Variants in CEP112 observed in about 807,000 individuals in gnomAD.
CEP112 encodes centrosomal protein 112.
In CEP112, 127 loss-of-function variants were observed where a neutral mutation model predicts 153.0. The ratio of observed to expected loss-of-function variants is 0.83; its 90% CI spans 0.72 to 0.96. The LOEUF (loss-of-function observed/expected upper bound fraction) is 0.96. Ranked by LOEUF, CEP112 falls within the 40% of genes least tolerant of loss-of-function variation. CEP112 has a pLI of 0.00. For synonymous variants in CEP112, 358 were observed against 374.4 expected (o/e 0.96, Z 0.51); for missense variants, 1,089 against 1,101.2 (o/e 0.99, Z 0.16).
chr17:65,837,589 T>C (rs1341414020), intron 21 of CEP112, among the ~76,000 whole-genome samples: 2 of 152,128 alleles, frequency 1.3e-5, no homozygotes, highest in Admixed American at 6.5e-5. Context: ...CTGGGAGGTG[T>C]ACCCAACAGC....
At chr17:65,799,279 G>A (rs2055119487) in intron 21 of CEP112, among the ~76,000 whole-genome samples, 1 of 152,142 alleles carries the variant, frequency 6.6e-6, no homozygotes, top group African/African-American at 2.4e-5. Flanking sequence ...CCTCTTGACA[G>A]CTTAAAGAAG....
chr17:65,677,603 T>C (rs1446017918), intron 24 of CEP112, among the ~76,000 whole-genome samples: 1 of 152,164 alleles, frequency 6.6e-6, no homozygotes, highest in Non-Finnish European at 1.5e-5. Context: ...CTGACGTACA[T>C]CTGGTACCTT....
intron 21 of CEP112, among the ~76,000 whole-genome samples, chr17:65,839,737 T>C (rs919134749): frequency 6.6e-6 from 1 of 152,050 alleles, no homozygotes; most frequent in Admixed American, 6.6e-5. Flanking sequence ...AAATTATCCT[T>C]ATTCACAGAC....
At chr17:65,757,032 G>A (rs1359236128) in intron 21 of CEP112, among the ~76,000 whole-genome samples, 3 of 152,160 alleles carry the variant, frequency 2.0e-5, no homozygotes, top group South Asian at 2.1e-4. Context: ...CAGGATAGGT[G>A]TCATTATAAG....
chr17:66,090,844 G>C (rs2068106567), intron 8 of CEP112, among the ~76,000 whole-genome samples: 1 of 151,956 alleles, frequency 6.6e-6, no homozygotes, highest in Non-Finnish European at 1.5e-5. Context: ...TGAAGGAAGA[G>C]GAAAAGATAT....
In CEP112 at chr17:66,060,838, T is replaced by C. The variant is rs151083365; in HGVS notation, c.1074+2125A>G. Among the ~76,000 whole-genome samples the C allele has an allele frequency of 8.1e-3, 1,181 of 145,806 alleles. 9 individuals carry two copies. The highest frequency in any genetic ancestry group is 0.013 in the Non-Finnish European group (892 of 66,806). ...AACATAGAGGAAAAGCTCCATGACA[T>C]AAATCTAGGCAACAATTTCTATACA... On this transcript the variant is annotated intron_variant, in intron 11 of 26. Coordinates refer to ENST00000535342, the MANE Select transcript of CEP112 (RefSeq NM_001199165.4).
intron 24 of CEP112, among the ~76,000 whole-genome samples, chr17:65,670,968 GA>G (rs2046953692): frequency 6.6e-6 from 1 of 151,932 alleles, no homozygotes; most frequent in South Asian, 2.1e-4. Context: ...TACAGTCGTT[GA>G]AAAAATAACC....
chr17:66,107,037 C>T (rs1332933451), intron 6 of CEP112, among the ~76,000 whole-genome samples: 1 of 151,992 alleles, frequency 6.6e-6, no homozygotes, highest in East Asian at 1.9e-4. Flanking sequence ...CAATGAAGGG[C>T]AAAAACTGTA....
At chr17:65,843,952 C>G (rs1482167656) in intron 21 of CEP112, among the ~76,000 whole-genome samples, 1 of 151,852 alleles carries the variant, frequency 6.6e-6, no homozygotes, top group Non-Finnish European at 1.5e-5. Flanking sequence ...AAGGCAAATG[C>G]CAAAGATATT....
chr17:65,840,318 C>T (rs1293963639), intron 21 of CEP112, among the ~76,000 whole-genome samples: 2 of 152,042 alleles, frequency 1.3e-5, no homozygotes, highest in East Asian at 1.9e-4. Flanking sequence ...AATATACACA[C>T]TGACCAATGG....
rs1254241875 is a variant in CEP112, at chr17:65,879,818, T to C, written c.2163+22334A>G. Among the ~76,000 whole-genome samples, 8 of 143,858 alleles carry C rather than the reference T, an allele frequency of 5.6e-5. No homozygotes were observed. In the East Asian group the frequency reaches 1.2e-3, roughly 22 times the overall value. The allele number at this position is 143,858 out of a possible 152,430, so 94.4% of individuals were successfully genotyped here. A position where few individuals can be genotyped will look rare whatever the true frequency, so the allele number is the denominator to read the frequency against. Reference sequence around the variant, plus strand: ...AAGGGAAAGCAAATCTAAAAAAACATTGAGTGAAAAGACAAAATGAAAAAA... The same window carrying C: ...AAGGGAAAGCAAATCTAAAAAAACACTGAGTGAAAAGACAAAATGAAAAAA... On this transcript the variant is annotated intron_variant, in intron 20 of 26. Coordinates refer to ENST00000535342, the MANE Select transcript of CEP112 (RefSeq NM_001199165.4).
intron 24 of CEP112, chr17:65,655,529 A>C: frequency 1.8e-6 from 1 of 556,854 alleles, no homozygotes; most frequent in East Asian, 3.0e-5. Flanking sequence ...TTGGGTTGAG[A>C]GGAAAGTAAT....
chr17:65,943,176 A>G (rs535266358), intron 18 of CEP112, among the ~76,000 whole-genome samples: 2 of 152,326 alleles, frequency 1.3e-5, no homozygotes, highest in South Asian at 2.1e-4. Flanking sequence ...GTGCCTGGCT[A>G]AAGAACAAAT....
intron 22 of CEP112, among the ~76,000 whole-genome samples, chr17:65,744,631 A>G (rs2051337620): frequency 6.6e-6 from 1 of 152,138 alleles, no homozygotes; most frequent in South Asian, 2.1e-4. Flanking sequence ...TAACTCATGG[A>G]TAGTTATTTT....
In CEP112 at chr17:65,882,030, G is replaced by A. The variant is rs547498143; in HGVS notation, c.2163+20122C>T. On this transcript the variant is annotated intron_variant, in intron 20 of 26. Coordinates refer to ENST00000535342, the MANE Select transcript of CEP112 (RefSeq NM_001199165.4). ...TCATGGACATGGTAGCCTCCACAGG[G>A]AGAAATTATATGGAAGTAAAATAAT... 2.6e-5 allele frequency among the ~76,000 whole-genome samples: 4 copies of A among 152,308 alleles called. No homozygotes were observed. The East Asian group carries it at 7.7e-4, about 29-fold the overall frequency.
chr17:65,654,419 G>A (rs1202433888), intron 24 of CEP112, among the ~76,000 whole-genome samples: 1 of 152,174 alleles, frequency 6.6e-6, no homozygotes, highest in Non-Finnish European at 1.5e-5. Flanking sequence ...CAGCGCAATA[G>A]GAGTCCTCCA....
intron 6 of CEP112, among the ~76,000 whole-genome samples, chr17:66,103,601 T>A (rs563788309): frequency 6.6e-6 from 1 of 152,184 alleles, no homozygotes; most frequent in Admixed American, 6.5e-5. Flanking sequence ...CTTTAGCAAT[T>A]TTCCCCGCAG....
intron 17 of CEP112, among the ~76,000 whole-genome samples, chr17:65,970,074 A>G (rs1180215102): frequency 6.6e-6 from 1 of 152,238 alleles, no homozygotes; most frequent in South Asian, 2.1e-4. Context: ...TATTGCAAAC[A>G]TGCATGCCAC....
intron 20 of CEP112, among the ~76,000 whole-genome samples, chr17:65,871,629 C>T (rs112038592): frequency 2.6e-5 from 4 of 151,980 alleles, no homozygotes; most frequent in South Asian, 2.1e-4. Flanking sequence ...AGCGAGACTC[C>T]GTCTCAATAA....
Sources: allele counts gnomAD v4.1 joint callset (sites outside exome capture counted in the v4.1 genomes callset), GRCh38; gene constraint gnomAD v4.1.1; transcripts MANE v1.5; gene names NCBI Gene and HGNC (gene_info 2026-07-23, HGNC 2026-07-21).